AUTS2: variants seen among roughly 807,000 people sequenced by gnomAD.
AUTS2 encodes the protein activator of transcription and developmental regulator AUTS2.
AUTS2 carries 17 observed loss-of-function variants against 112.4 expected under a neutral mutation model. That is an observed-to-expected ratio of 0.15 (90% confidence interval 0.10 to 0.23). The LOEUF (loss-of-function observed/expected upper bound fraction) is 0.23. Ranked by LOEUF, AUTS2 falls within the 10% of genes least tolerant of loss-of-function variation. The pLI is 1.00. For synonymous variants in AUTS2, 751 were observed against 702.7 expected, an observed-to-expected ratio of 1.07 and a Z score of -1.09; for missense variants, 1,510 against 1,701.6, an observed-to-expected ratio of 0.89 and a Z score of 1.98.
intron 1 of AUTS2, among the ~76,000 whole-genome samples, chr7:69,727,214 A>G (rs749144111): frequency 5.9e-5 from 9 of 151,998 alleles, no homozygotes; most frequent in Admixed American, 4.6e-4. Flanking sequence ...CATTTTCTCC[A>G]TATGTTTATC....
intron 4 of AUTS2, among the ~76,000 whole-genome samples, chr7:70,241,394 G>T (rs577577411): frequency 6.6e-6 from 1 of 152,178 alleles, no homozygotes; most frequent in East Asian, 1.9e-4. Flanking sequence ...CAATATAAAA[G>T]ATTTTAATTT....
intron 6 of AUTS2, among the ~76,000 whole-genome samples, chr7:70,705,571 A>C (rs1809692492): frequency 6.6e-6 from 1 of 152,188 alleles, no homozygotes; most frequent in South Asian, 2.1e-4. Flanking sequence ...TCATGAATTC[A>C]CCAAGGAGAT....
intron 4 of AUTS2, among the ~76,000 whole-genome samples, chr7:70,435,010 C>G (rs1023717359): frequency 7.2e-5 from 11 of 152,124 alleles, no homozygotes; most frequent in Non-Finnish European, 1.6e-4. Context: ...AATTATCACT[C>G]TCTGCTTATC....
intron 4 of AUTS2, among the ~76,000 whole-genome samples, chr7:70,330,061 C>T (rs1355883274): frequency 6.6e-6 from 1 of 152,170 alleles, no homozygotes; most frequent in Admixed American, 6.5e-5. Flanking sequence ...CTGAAGGCCT[C>T]ACCTTTAAAA....
intron 5 of AUTS2, among the ~76,000 whole-genome samples, chr7:70,447,954 A>C (rs1475342088): frequency 6.6e-6 from 1 of 152,162 alleles, no homozygotes; most frequent in East Asian, 1.9e-4. Context: ...TTATATTCTT[A>C]TTGGAAAGGC....
At chr7:70,011,861 G>A (rs1799820900) in intron 2 of AUTS2, among the ~76,000 whole-genome samples, 1 of 152,078 alleles carries the variant, frequency 6.6e-6, no homozygotes, top group South Asian at 2.1e-4. Context: ...CCTGTGTTGG[G>A]GCTAGACGAA....
chr7:70,137,712 T>C (rs573692992), intron 4 of AUTS2, among the ~76,000 whole-genome samples: 2 of 152,304 alleles, frequency 1.3e-5, no homozygotes, highest in East Asian at 3.9e-4. Flanking sequence ...TGAGATAAGA[T>C]ATTTTAATGA....
At chr7:70,304,781 A>G (rs933664727) in intron 4 of AUTS2, among the ~76,000 whole-genome samples, 9 of 137,212 alleles carry the variant, frequency 6.6e-5, no homozygotes, top group African/African-American at 2.5e-4. Flanking sequence ...GTCATGTGAC[A>G]CTCAAATAGT....
intron 1 of AUTS2, among the ~76,000 whole-genome samples, chr7:69,623,335 G>A (rs1793765862): frequency 6.8e-6 from 1 of 147,914 alleles, no homozygotes; most frequent in African/African-American, 2.5e-5. Flanking sequence ...CAGTTCTCCT[G>A]CCTTAGCCTC....
At chr7:70,448,286 G>T (rs56183636) in intron 5 of AUTS2, among the ~76,000 whole-genome samples, 20,739 of 152,140 alleles carry the variant, frequency 0.14, 1,444 homozygotes, top group Middle Eastern at 0.17. Context: ...ACATGATAGG[G>T]TTGTAATTCA....
At chr7:70,109,681 G>C (rs1010210827) in intron 2 of AUTS2, among the ~76,000 whole-genome samples, 3 of 152,186 alleles carry the variant, frequency 2.0e-5, no homozygotes, top group African/African-American at 7.2e-5. Context: ...CAGGTATCAG[G>C]CTTCAGAGAG....
At chr7:69,962,007 C>G (rs1357381068) in intron 2 of AUTS2, among the ~76,000 whole-genome samples, 1 of 152,124 alleles carries the variant, frequency 6.6e-6, no homozygotes, top group Admixed American at 6.6e-5. Context: ...ATGTATCCAG[C>G]TCTGTGATAG....
intron 5 of AUTS2, among the ~76,000 whole-genome samples, chr7:70,571,499 T>C (rs1381364998): frequency 6.6e-6 from 1 of 152,190 alleles, no homozygotes; most frequent in East Asian, 1.9e-4. Context: ...ACCAGTTTGA[T>C]GGGAGAGAAG....
intron 6 of AUTS2, among the ~76,000 whole-genome samples, chr7:70,724,643 TA>T (rs903632747): frequency 2.0e-5 from 3 of 151,664 alleles, no homozygotes; most frequent in Non-Finnish European, 4.4e-5. Flanking sequence ...GACAGGGTTT[TA>T]CCGTGTTAGT....
chr7:69,859,820 A>G (rs1014230779), intron 1 of AUTS2, among the ~76,000 whole-genome samples: 4 of 152,158 alleles, frequency 2.6e-5, no homozygotes, highest in Non-Finnish European at 5.9e-5. Context: ...AACAAAAACA[A>G]CAACAACAAA....
At chr7:70,224,186 G>C (rs905613572) in intron 4 of AUTS2, among the ~76,000 whole-genome samples, 1 of 152,034 alleles carries the variant, frequency 6.6e-6, no homozygotes, top group Non-Finnish European at 1.5e-5. Context: ...ATGATGGTGT[G>C]TGCCTGTAGA....
intron 2 of AUTS2, among the ~76,000 whole-genome samples, chr7:70,040,856 G>A (rs1233602380): frequency 6.6e-6 from 1 of 152,214 alleles, no homozygotes; most frequent in East Asian, 1.9e-4. Context: ...GCTGTTAAAT[G>A]TCTGTGTCTG....
intron 1 of AUTS2, among the ~76,000 whole-genome samples, chr7:69,795,491 G>A (rs928396348): frequency 6.6e-6 from 1 of 152,136 alleles, no homozygotes; most frequent in Non-Finnish European, 1.5e-5. Flanking sequence ...ACCAGCCTGG[G>A]CAATGTAGTG....
intron 6 of AUTS2, among the ~76,000 whole-genome samples, chr7:70,733,644 T>C (rs2129553056): frequency 6.6e-6 from 1 of 150,836 alleles, no homozygotes; most frequent in South Asian, 2.1e-4. Context: ...TAGAGTACAG[T>C]GGGGTGGTCT....
Sources: gnomAD v4.1 joint callset for allele counts (sites outside exome capture counted in the v4.1 genomes callset) on GRCh38, gnomAD v4.1.1 for gene constraint, MANE v1.5 for transcripts, NCBI Gene and HGNC (gene_info 2026-07-23, HGNC 2026-07-21) for gene names.